The following SH3PXD2B variants were observed in gnomAD, a reference collection of about 807,000 sequenced individuals.
SH3PXD2B encodes the protein SH3 and PX domains 2B, also known as SH3 and PX domain-containing protein 2B.
SH3PXD2B carries 37 observed loss-of-function variants against 73.1 expected under a neutral mutation model. The ratio of observed to expected loss-of-function variants is 0.51; its 90% CI spans 0.39 to 0.67. The LOEUF (loss-of-function observed/expected upper bound fraction) is 0.67. Ranked by LOEUF, SH3PXD2B falls within the 30% of genes least tolerant of loss-of-function variation. The pLI, the probability that SH3PXD2B is intolerant of heterozygous loss-of-function variation, is 0.00. For synonymous variants in SH3PXD2B, 457 were observed against 480.5 expected (o/e 0.95, Z 0.64); for missense variants, 1,053 against 1,197.8 (o/e 0.88, Z 1.78).
In SH3PXD2B at chr5:172,333,770, C is replaced by T; in HGVS notation, c.*4599G>A. ...AGGTGGTGGGCAGTGCCCACTGTTC[C>T]TGGAGGGAGGTAAGAAATGGCCTGT... On this transcript the variant is annotated 3_prime_UTR_variant, in exon 13 of 13. Transcript: ENST00000311601. 7.8e-7 allele frequency: 1 copy of T among 1,289,120 alleles called. No individual in the cohort carries two copies. Among genetic ancestry groups the T allele is most frequent in the Non-Finnish European group, 1.0e-6 (1 of 988,742 alleles). 79.9% of individuals were successfully genotyped at this position (1,289,120 alleles called of 1,614,324 possible).
chr5:172,375,287 G>A (rs577643359), intron 5 of SH3PXD2B, among the ~76,000 whole-genome samples: 2 of 152,278 alleles, frequency 1.3e-5, no homozygotes, highest in South Asian at 4.1e-4. Context: ...TTGAACCTGG[G>A]AGGTGGAGGC....
intron 2 of SH3PXD2B, among the ~76,000 whole-genome samples, chr5:172,417,107 G>A (rs1262863729): frequency 2.6e-5 from 4 of 152,100 alleles, no homozygotes; most frequent in African/African-American, 7.2e-5. Flanking sequence ...TCCTGCCCCC[G>A]TTGGAGGGGG....
intron 1 of SH3PXD2B, among the ~76,000 whole-genome samples, chr5:172,453,117 T>C (rs1223530362): frequency 1.3e-5 from 2 of 152,066 alleles, no homozygotes; most frequent in South Asian, 2.1e-4. Flanking sequence ...TAAGAATTAG[T>C]TCTTAAAAAA....
chr5:172,444,204 G>C (rs1183863825), intron 1 of SH3PXD2B, among the ~76,000 whole-genome samples: 1 of 152,168 alleles, frequency 6.6e-6, no homozygotes, highest in East Asian at 1.9e-4. Context: ...TCCTGGATCT[G>C]GACTCTTGAG....
At chr5:172,418,085 G>A (rs1758869194) in intron 2 of SH3PXD2B, among the ~76,000 whole-genome samples, 1 of 152,188 alleles carries the variant, frequency 6.6e-6, no homozygotes, top group African/African-American at 2.4e-5. Context: ...GAAAAGCAGA[G>A]CAGCTAAAAG....
chr5:172,362,638 C>G (rs1418684565), intron 7 of SH3PXD2B, 97 bp downstream of exon 7: 1 of 1,581,854 alleles, frequency 6.3e-7, no homozygotes, highest in East Asian at 2.2e-5. Context: ...ACTGGCCAGT[C>G]TGGACTGGCC....
At position 172,339,391 on chromosome 5, in the gene SH3PXD2B, C is replaced by T. The variant is rs754260300; in HGVS notation, c.1714G>A (p.Ala572Thr). The change falls in exon 13 of 13, where the codon GCC (alanine) becomes ACC (threonine). Residue 572 changes from alanine to threonine, a missense_variant. By Grantham distance (58) the Ala-to-Thr change is moderately conservative (BLOSUM62 0). This residue lies in a region of SH3PXD2B where 587 missense variants were observed against 590.7 expected (regional missense o/e 0.99). Coordinates refer to ENST00000311601, the MANE Select transcript of SH3PXD2B (RefSeq NM_001017995.3). The surrounding 1 kb of genome is among the most constrained non-coding windows in gnomAD (Gnocchi z 6.1). ...GGCTCTGGCCTCCTGCTGTCCCGGG[C>T]TGGAGGGATGTGTTTGGCTGGCATC... is the stretch of plus-strand genomic sequence containing the variant. Reference protein sequence around the residue: ...PMMPAKHIPPARDSRRPEPKP... With the variant: ...PMMPAKHIPPTRDSRRPEPKP... The T allele has an allele frequency of 2.5e-6, 4 of 1,614,066 alleles. No homozygotes were observed. The African/African-American group carries it at 5.3e-5, about 22-fold the overall frequency.
intron 11 of SH3PXD2B, among the ~76,000 whole-genome samples, chr5:172,346,894 A>C (rs1757009783): frequency 1.3e-5 from 2 of 152,212 alleles, no homozygotes; most frequent in African/African-American, 4.8e-5. Flanking sequence ...CTAAAAAGGT[A>C]CCTAGAGAAT....
intron 1 of SH3PXD2B, among the ~76,000 whole-genome samples, chr5:172,437,215 G>A (rs1307703706): frequency 3.3e-5 from 5 of 152,172 alleles, no homozygotes; most frequent in Non-Finnish European, 4.4e-5. Context: ...GGAGCTCCAC[G>A]GGCTTGACTA....
chr5:172,435,950 G>C (rs1163630278), intron 1 of SH3PXD2B, among the ~76,000 whole-genome samples: 1 of 152,202 alleles, frequency 6.6e-6, no homozygotes, highest in African/African-American at 2.4e-5. Flanking sequence ...CAGGGGCAGG[G>C]GCTGAGGGCT....
chr5:172,401,607 T>C (rs1383264232), intron 3 of SH3PXD2B, among the ~76,000 whole-genome samples: 1 of 152,174 alleles, frequency 6.6e-6, no homozygotes, highest in Non-Finnish European at 1.5e-5. Context: ...GGGAGAGATG[T>C]TGTAGGAAGT....
chr5:172,411,942 T>C (rs2113442694), intron 2 of SH3PXD2B, among the ~76,000 whole-genome samples: 1 of 152,214 alleles, frequency 6.6e-6, no homozygotes, highest in South Asian at 2.1e-4. Context: ...CTCTTCATCA[T>C]CCAAAACTGA....
At chr5:172,332,703 T>C (rs1279125458), downstream of SH3PXD2B, among the ~76,000 whole-genome samples, 1 of 152,134 alleles carries the variant, frequency 6.6e-6, no homozygotes, top group Non-Finnish European at 1.5e-5. Flanking sequence ...AGTTCTTTTG[T>C]TCGGGGACTC....
intron 1 of SH3PXD2B, among the ~76,000 whole-genome samples, chr5:172,435,954 G>T (rs1187937953): frequency 6.6e-6 from 1 of 152,228 alleles, no homozygotes; most frequent in Non-Finnish European, 1.5e-5. Context: ...GGCAGGGGCT[G>T]AGGGCTAGTG....
At position 172,411,206 on chromosome 5, in the gene SH3PXD2B, C is replaced by CT. The variant is rs1220420911; in HGVS notation, c.157-4855dup. Among the ~76,000 whole-genome samples the CT allele has an allele frequency of 1.4e-3, 199 of 146,680 alleles. 1 individual carries two copies. Among genetic ancestry groups the CT allele is most frequent in the African/African-American group, 3.4e-3 (135 of 40,182 alleles). ...GACAATGAAACACCATTAAAGGGAA[C>CT]TTTTTTTTTTTTAAAGAATGCACCA... On this transcript the variant is annotated intron_variant, in intron 2 of 12. Transcript: ENST00000311601.
intron 5 of SH3PXD2B, among the ~76,000 whole-genome samples, chr5:172,375,950 T>C (rs1289223750): frequency 6.6e-6 from 1 of 152,168 alleles, no homozygotes; most frequent in African/African-American, 2.4e-5. Flanking sequence ...CCACAGTGAC[T>C]GCACCATTTT....
intron 1 of SH3PXD2B, among the ~76,000 whole-genome samples, chr5:172,450,418 G>C (rs1192587159): frequency 6.6e-6 from 1 of 152,018 alleles, no homozygotes; most frequent in Non-Finnish European, 1.5e-5. Context: ...AAAATATAGA[G>C]ATGTGAAGAC....
At chr5:172,361,106 T>C (rs1757393893) in intron 7 of SH3PXD2B, among the ~76,000 whole-genome samples, 1 of 152,022 alleles carries the variant, frequency 6.6e-6, no homozygotes, top group Non-Finnish European at 1.5e-5. Context: ...AATACATATA[T>C]ATACATACAA....
At chr5:172,344,469 T>C (rs565467803) in intron 12 of SH3PXD2B, among the ~76,000 whole-genome samples, 1 of 151,626 alleles carries the variant, frequency 6.6e-6, no homozygotes, top group African/African-American at 2.4e-5. Context: ...GCGCCTGTAA[T>C]CCCAGTTACT....
Sources: allele counts gnomAD v4.1 joint callset (sites outside exome capture counted in the v4.1 genomes callset), GRCh38; gene constraint gnomAD v4.1.1; regional missense constraint gnomAD v4.1.1; non-coding constraint Gnocchi (gnomAD v3.1); transcripts MANE v1.5; gene names NCBI Gene and HGNC (gene_info 2026-07-23, HGNC 2026-07-21).